The following ARNT2 variants were observed in gnomAD, a reference collection of about 807,000 sequenced individuals.
ARNT2 encodes aryl hydrocarbon receptor nuclear translocator 2.
Under a neutral mutation model 91.7 loss-of-function variants are expected in ARNT2, and 36 were observed. The ratio of observed to expected loss-of-function variants is 0.39; its 90% CI spans 0.30 to 0.52. The LOEUF is 0.52. ARNT2 is among the 20% of genes least tolerant of loss of function. The probability of loss-of-function intolerance (pLI) is 0.72; values close to 1 mark genes in which losing one functional copy is unlikely to be tolerated. For missense variants in ARNT2, 775 were observed against 939.3 expected, an observed-to-expected ratio of 0.83 and a Z score of 2.29; for synonymous variants, 365 against 347.1, an observed-to-expected ratio of 1.05 and a Z score of -0.57.
intron 5 of ARNT2, among the ~76,000 whole-genome samples, chr15:80,483,616 C>T (rs1320064576): frequency 2.0e-5 from 3 of 152,186 alleles, no homozygotes; most frequent in Admixed American, 6.5e-5. Context: ...CACCAGGGTC[C>T]GCACCAAGTT....
At chr15:80,470,091 C>T in intron 3 of ARNT2, 127 bp from the exon 4 acceptor site, 1 of 949,818 alleles carries the variant, frequency 1.1e-6, no homozygotes, top group Non-Finnish European at 1.6e-6. Context: ...TCAAAGCACT[C>T]AGCTGTTAGG....
intron 17 of ARNT2, among the ~76,000 whole-genome samples, chr15:80,584,620 C>T (rs1361753979): frequency 6.6e-6 from 1 of 152,188 alleles, no homozygotes; most frequent in Non-Finnish European, 1.5e-5. Flanking sequence ...AAACACAAAG[C>T]AGGCTTAAAA....
intron 5 of ARNT2, among the ~76,000 whole-genome samples, chr15:80,507,387 CG>C (rs1376123364): frequency 1.3e-5 from 2 of 151,948 alleles, no homozygotes; most frequent in Non-Finnish European, 1.5e-5. Flanking sequence ...AGGAGGGACT[CG>C]GGGATAATGT....
chr15:80,534,205 G>A (rs921830292), intron 8 of ARNT2, among the ~76,000 whole-genome samples: 5 of 152,140 alleles, frequency 3.3e-5, no homozygotes, highest in South Asian at 2.1e-4. Flanking sequence ...AGTCGGAATG[G>A]TACACCACAC....
intron 2 of ARNT2, among the ~76,000 whole-genome samples, chr15:80,453,569 A>G (rs775732122): frequency 1.3e-5 from 2 of 152,216 alleles, no homozygotes; most frequent in Non-Finnish European, 2.9e-5. Flanking sequence ...TCATGATAAT[A>G]GCTCCTTCAA....
rs1035066465 is a variant in ARNT2 at position 80,568,454 on chromosome 15, A to G, written c.1316+5215A>G. 3.9e-5 allele frequency among the ~76,000 whole-genome samples: 6 copies of G among 152,228 alleles called. No individual in the cohort carries two copies. In the South Asian group the frequency reaches 1.2e-3, roughly 32 times the overall value. On this transcript the variant is annotated intron_variant, in intron 12 of 18. Transcript: ENST00000303329. The stretch of plus-strand genomic sequence containing the variant: ...TGCTCGTGTATGTGTGTGTGTGTGC[A>G]TGTGTTTTTAAAACCCCAGAATGCC...
intron 5 of ARNT2, among the ~76,000 whole-genome samples, chr15:80,484,163 G>A (rs1005257732): frequency 6.7e-6 from 1 of 148,582 alleles, no homozygotes; most frequent in Non-Finnish European, 1.5e-5. Context: ...GCTATATTAG[G>A]TAACATATAT....
chr15:80,593,327 C>T (rs1370251790), intron 18 of ARNT2, among the ~76,000 whole-genome samples: 1 of 152,238 alleles, frequency 6.6e-6, no homozygotes, highest in African/African-American at 2.4e-5. Flanking sequence ...TTCTCGTCTA[C>T]CCTGGGTCCC....
chr15:80,484,238 A>G (rs1249110368), intron 5 of ARNT2, among the ~76,000 whole-genome samples: 1 of 152,016 alleles, frequency 6.6e-6, no homozygotes, highest in African/African-American at 2.4e-5. Context: ...ACTGTTATTG[A>G]GTTTCTGTTG....
chr15:80,514,008 C>T (rs776251069), intron 7 of ARNT2, 32 bp downstream of exon 7: 3 of 1,583,934 alleles, frequency 1.9e-6, no homozygotes, highest in Non-Finnish European at 2.6e-6. Flanking sequence ...TATTTTGGGA[C>T]TGTTCTGGTA....
intron 5 of ARNT2, among the ~76,000 whole-genome samples, chr15:80,501,647 C>A (rs972294264): frequency 1.3e-5 from 2 of 152,198 alleles, no homozygotes; most frequent in African/African-American, 2.4e-5. Flanking sequence ...GGCTAACTCC[C>A]GGTCTCAGGA....
intron 8 of ARNT2, among the ~76,000 whole-genome samples, chr15:80,537,624 T>C (rs1897846365): frequency 6.6e-6 from 1 of 152,214 alleles, no homozygotes. Flanking sequence ...TCTCAGTTCC[T>C]GTGCTGTACG....
rs987882587 is a variant in ARNT2, at chr15:80,508,318, G to A, written c.725+60G>A. 1.2e-5 allele frequency: 19 copies of A among 1,551,668 alleles called. No homozygotes were observed. In the South Asian group the frequency reaches 1.2e-4, roughly 10 times the overall value. On this transcript the variant is annotated intron_variant, in intron 6 of 18. Coordinates refer to ENST00000303329, the MANE Select transcript of ARNT2 (RefSeq NM_014862.4). ...TTGGTTTGCTCCTTTTTCTGTCACC[G>A]TTAAGAGCCTTGACCAGCTCTGCCG...
At chr15:80,461,781 A>G (rs1896557731) in intron 3 of ARNT2, among the ~76,000 whole-genome samples, 1 of 152,058 alleles carries the variant, frequency 6.6e-6, no homozygotes, top group Non-Finnish European at 1.5e-5. Context: ...TCTGCCAAGG[A>G]GGCAAAAAGG....
chr15:80,546,558 C>G (rs968917217), intron 8 of ARNT2, among the ~76,000 whole-genome samples: 1 of 152,170 alleles, frequency 6.6e-6, no homozygotes, highest in Non-Finnish European at 1.5e-5. Context: ...TTTTGAAAGA[C>G]CTGTGAGACT....
At chr15:80,410,483 T>TC (rs1895665022) in intron 1 of ARNT2, among the ~76,000 whole-genome samples, 1 of 152,104 alleles carries the variant, frequency 6.6e-6, no homozygotes, top group Non-Finnish European at 1.5e-5. Flanking sequence ...CAAGTGGAAC[T>TC]GTCATGGAGG....
At chr15:80,537,772 C>A (rs1897849115) in intron 8 of ARNT2, among the ~76,000 whole-genome samples, 1 of 152,230 alleles carries the variant, frequency 6.6e-6, no homozygotes, top group Non-Finnish European at 1.5e-5. Context: ...CCACTGACAT[C>A]CCTGGCAGGA....
At chr15:80,448,202 T>A (rs752259151) in intron 1 of ARNT2, among the ~76,000 whole-genome samples, 2 of 152,226 alleles carry the variant, frequency 1.3e-5, no homozygotes, top group Non-Finnish European at 2.9e-5. Flanking sequence ...CCGTCACTCA[T>A]AGCTGGGAGG....
chr15:80,541,618 C>G (rs1897907564), intron 8 of ARNT2, among the ~76,000 whole-genome samples: 1 of 152,124 alleles, frequency 6.6e-6, no homozygotes, highest in Admixed American at 6.5e-5. Context: ...ACATTTAAAT[C>G]TTTAATCCGT....
Sources: gnomAD v4.1 joint callset for allele counts (sites outside exome capture counted in the v4.1 genomes callset) on GRCh38, gnomAD v4.1.1 for gene constraint, MANE v1.5 for transcripts, NCBI Gene and HGNC (gene_info 2026-07-23, HGNC 2026-07-21) for gene names.